Variants in ZNF713 observed in about 807,000 individuals in gnomAD.
The protein encoded by ZNF713 is zinc finger protein 713.
In ZNF713, 21 loss-of-function variants were observed where a neutral mutation model predicts 28.7. That is an observed-to-expected ratio of 0.73 (90% confidence interval 0.52 to 1.05). The LOEUF is 1.05. Ranked by LOEUF, ZNF713 falls within the 50% of genes least tolerant of loss-of-function variation. The pLI, the probability that ZNF713 is intolerant of heterozygous loss-of-function variation, is 0.00. For missense variants in ZNF713, 458 were observed against 532.4 expected (o/e 0.86, Z 1.37); for synonymous variants, 167 against 178.0 (o/e 0.94, Z 0.49).
At chr7:55,893,099 G>A (rs1482500354) in intron 1 of ZNF713, among the ~76,000 whole-genome samples, 1 of 151,944 alleles carries the variant, frequency 6.6e-6, no homozygotes, top group Non-Finnish European at 1.5e-5. Flanking sequence ...TAGCCAGGAT[G>A]GTCTTGATCT....
intron 2 of ZNF713, among the ~76,000 whole-genome samples, chr7:55,907,806 C>T (rs531224550): frequency 6.6e-6 from 1 of 152,162 alleles, no homozygotes; most frequent in African/African-American, 2.4e-5. Flanking sequence ...TTTTTTATGG[C>T]TGCCTAGTAT....
intron 6 of ZNF713, among the ~76,000 whole-genome samples, chr7:55,928,509 G>A (rs1433984019): frequency 1.3e-5 from 2 of 152,176 alleles, no homozygotes; most frequent in Non-Finnish European, 2.9e-5. Context: ...TAAGGCAGGA[G>A]AGTGTTACAA....
At chr7:55,892,267 G>A (rs1260908205) in intron 1 of ZNF713, among the ~76,000 whole-genome samples, 3 of 109,976 alleles carry the variant, frequency 2.7e-5, no homozygotes, top group African/African-American at 1.1e-4. Context: ...GACAGAGTGA[G>A]ACTCCATCTC....
chr7:55,939,721 A>G lies in ZNF713; in HGVS notation c.1047A>G (p.Lys349=), dbSNP rs1182987736. 1.9e-6 allele frequency: 3 copies of G among 1,614,062 alleles called. No individual in the cohort carries two copies. The highest frequency in any genetic ancestry group is 2.5e-6 in the Non-Finnish European group (3 of 1,180,030). Residue 349 remains lysine, a synonymous_variant, in exon 7 of 7, where the codon AAA becomes AAG. Transcript: ENST00000429591. ...EKPYKCNQCG[K]AFSRITSLTE... ...CCTATAAATGTAATCAATGTGGTAAAGCTTTTAGCCGCATCACATCCCTTA... is the reference window on the plus strand; with the variant it reads ...CCTATAAATGTAATCAATGTGGTAAGGCTTTTAGCCGCATCACATCCCTTA...
In ZNF713 at chr7:55,923,143, G is replaced by A. The variant is rs1189718378; in HGVS notation, c.88-19G>A. 1 of 1,604,620 alleles carries A rather than the reference G, an allele frequency of 6.2e-7. No individual in the cohort carries two copies. The highest frequency in any genetic ancestry group is 2.2e-5 in the East Asian group (1 of 44,756). On this transcript the variant is annotated intron_variant, in intron 4 of 6. Coordinates refer to ENST00000429591, the MANE Select transcript of ZNF713 (RefSeq NM_182633.3). ...TAAGAACCGTTTTTGCCTGAGCAGGGATGTGCTTGATGTTTCAGGAATCAC... is the reference window on the plus strand; with the variant it reads ...TAAGAACCGTTTTTGCCTGAGCAGGAATGTGCTTGATGTTTCAGGAATCAC...
chr7:55,891,006 AAAAG>A (rs1785371611), intron 1 of ZNF713, among the ~76,000 whole-genome samples: 1 of 151,700 alleles, frequency 6.6e-6, no homozygotes, highest in Non-Finnish European at 1.5e-5. Context: ...AAAAAAAAAA[AAAAG>A]AAAAAAAAAT....
At chr7:55,935,235 T>TA (rs1786321464) in intron 6 of ZNF713, among the ~76,000 whole-genome samples, 1 of 152,032 alleles carries the variant, frequency 6.6e-6, no homozygotes, top group South Asian at 2.1e-4. Flanking sequence ...CTTAGGTCCA[T>TA]AAGATGTTTG....
At chr7:55,924,661 G>A (rs908616441) in intron 6 of ZNF713, 51 of 152,162 alleles carry the variant, frequency 3.4e-4, no homozygotes, top group African/African-American at 1.2e-3. Context: ...ATCACCTGAG[G>A]TCAGGAGTAC....
intron 2 of ZNF713, among the ~76,000 whole-genome samples, chr7:55,910,618 C>T (rs1361436547): frequency 1.3e-5 from 2 of 152,128 alleles, no homozygotes; most frequent in Admixed American, 1.3e-4. Flanking sequence ...ACCTCAGCCT[C>T]CCAAGTAGTT....
chr7:55,932,524 CAAA>C (rs34793484), intron 6 of ZNF713, among the ~76,000 whole-genome samples: 21 of 120,660 alleles, frequency 1.7e-4, no homozygotes, highest in Admixed American at 3.5e-4. Context: ...GACCCTGTCT[CAAA>C]AAAAAAAAAA....
chr7:55,934,664 C>G (rs1191927045), intron 6 of ZNF713, among the ~76,000 whole-genome samples: 4 of 152,060 alleles, frequency 2.6e-5, no homozygotes, highest in Non-Finnish European at 5.9e-5. Context: ...GCCACCACAC[C>G]TGGCTGTGTT....
At chr7:55,931,089 C>T (rs145367711) in intron 6 of ZNF713, among the ~76,000 whole-genome samples, 154 of 152,178 alleles carry the variant, frequency 1.0e-3, no homozygotes, top group Admixed American at 3.4e-3. Context: ...AGTTCGAAAC[C>T]AGCCTGACCA....
chr7:55,927,823 G>A (rs181588222), intron 6 of ZNF713, among the ~76,000 whole-genome samples: 6 of 145,122 alleles, frequency 4.1e-5, no homozygotes, highest in East Asian at 2.2e-4. Context: ...CTTGAACCCC[G>A]GAGACGGAGG....
chr7:55,899,227 C>A (rs1167262892), intron 1 of ZNF713, among the ~76,000 whole-genome samples: 3 of 151,712 alleles, frequency 2.0e-5, no homozygotes, highest in African/African-American at 7.3e-5. Flanking sequence ...GTGGCGGGCA[C>A]CTGTAGTCCC....
At chr7:55,894,377 T>A (rs1197562366) in intron 1 of ZNF713, among the ~76,000 whole-genome samples, 1 of 152,140 alleles carries the variant, frequency 6.6e-6, no homozygotes, top group Non-Finnish European at 1.5e-5. Flanking sequence ...AAGAAATCAC[T>A]ATTGTCAAGA....
intron 1 of ZNF713, among the ~76,000 whole-genome samples, chr7:55,892,644 G>A (rs1307355308): frequency 1.3e-5 from 2 of 150,682 alleles, no homozygotes; most frequent in Non-Finnish European, 2.9e-5. Context: ...AGACCAAGGC[G>A]ATTGGATCAC....
At chr7:55,938,451 G>A (rs185840137) in intron 6 of ZNF713, among the ~76,000 whole-genome samples, 66 of 152,174 alleles carry the variant, frequency 4.3e-4, no homozygotes, top group African/African-American at 1.5e-3. Flanking sequence ...CCTTTAATGG[G>A]TGGGATTCTT....
chr7:55,939,078 G>T lies in ZNF713; in HGVS notation c.404G>T (p.Gly135Val). The T allele has an allele frequency of 1.2e-6, 2 of 1,614,088 alleles. No individual in the cohort carries two copies. Among genetic ancestry groups the T allele is most frequent in the Non-Finnish European group, 1.7e-6 (2 of 1,180,006 alleles). ...THEMIMERLA[G>V]DSFWYSILGG... The stretch of plus-strand genomic sequence containing the variant: ...GAGATGATAATGGAGAGACTCGCAG[G>T]AGACAGCTTCTGGTACTCCATCCTA... Residue 135 changes from glycine (G) to valine (V), a missense_variant, in exon 7 of 7, where the codon GGA becomes GTA. Transcript: ENST00000429591.
Position 55,887,855 on chromosome 7 carries a change from G to GGGA in ZNF713, c.-583+177_-583+178insAGG, listed in dbSNP as rs1554334668. ...GCGGGCGGCGGGCGGCGGCGGCGGC[G>GGGA]GGCGGCGGGCGGCGGCGGCGGCGGC... On this transcript the variant is annotated intron_variant, in intron 1 of 6. Transcript: ENST00000429591. Among the ~76,000 whole-genome samples the GGGA allele has an allele frequency of 2.9e-4, 4 of 13,822 alleles. 2 individuals are homozygous for GGGA. The highest frequency in any genetic ancestry group is 4.8e-3 in the South Asian group (2 of 418). The allele number at this position is 13,822 out of a possible 152,430, so 9.1% of individuals were successfully genotyped here.
Sources: gnomAD v4.1 joint callset for allele counts (sites outside exome capture counted in the v4.1 genomes callset) on GRCh38, gnomAD v4.1.1 for gene constraint, MANE v1.5 for transcripts, NCBI Gene and HGNC (gene_info 2026-07-23, HGNC 2026-07-21) for gene names.